GRM1: variants seen among roughly 807,000 people sequenced by gnomAD.
GRM1 encodes glutamate metabotropic receptor 1, also known as metabotropic glutamate receptor 1.
GRM1 carries 33 observed loss-of-function variants against 90.9 expected under a neutral mutation model. That is an observed-to-expected ratio of 0.36 (90% CI 0.28 to 0.49). The LOEUF is 0.49. Among genes scored for constraint, GRM1 ranks in the 20% least tolerant of loss-of-function variants. The probability of loss-of-function intolerance (pLI) is 0.99; values close to 1 mark genes in which losing one functional copy is unlikely to be tolerated. For synonymous variants in GRM1, 700 were observed against 613.2 expected (o/e 1.14, Z -2.09); for missense variants, 1,190 against 1,534.3 (o/e 0.78, Z 3.75).
intron 7 of GRM1, among the ~76,000 whole-genome samples, chr6:146,411,191 C>T (rs1284404044): frequency 6.6e-6 from 1 of 152,118 alleles, no homozygotes; most frequent in Middle Eastern, 3.2e-3. Context: ...TATTAGAAGT[C>T]TCCAACCAGT....
At chr6:146,352,797 C>T (rs1313625944) in intron 4 of GRM1, among the ~76,000 whole-genome samples, 1 of 152,144 alleles carries the variant, frequency 6.6e-6, no homozygotes, top group African/African-American at 2.4e-5. Context: ...AGCCCAGGAA[C>T]CTAAAGAAAT....
chr6:146,414,560 G>A (rs1032788173), intron 7 of GRM1, among the ~76,000 whole-genome samples: 5 of 151,866 alleles, frequency 3.3e-5, no homozygotes, highest in South Asian at 2.1e-4. Context: ...CCGCCACCAC[G>A]CCTGGCTAAT....
chr6:146,163,832 T>C lies in GRM1; in HGVS notation c.950+4235T>C, dbSNP rs566695982. ...TATTCTTTATTTCTTTGCATTCTTT[T>C]ATTTCATGCTTAGTTTTAAATATTT... is the stretch of plus-strand genomic sequence containing the variant. On this transcript the variant is annotated intron_variant, in intron 2 of 7. Coordinates refer to ENST00000282753, the MANE Select transcript of GRM1 (RefSeq NM_001278064.2). Among the ~76,000 whole-genome samples, 5 of 152,312 alleles carry C rather than the reference T, an allele frequency of 3.3e-5. No homozygotes were observed. The South Asian group carries it at 1.0e-3, about 32-fold the overall frequency.
At chr6:146,251,712 A>C (rs73575052) in intron 2 of GRM1, among the ~76,000 whole-genome samples, 1 of 151,986 alleles carries the variant, frequency 6.6e-6, no homozygotes, top group Non-Finnish European at 1.5e-5. Flanking sequence ...TCATAAATCA[A>C]CTCCAACCAT....
intron 1 of GRM1, among the ~76,000 whole-genome samples, chr6:146,118,348 C>A (rs934914264): frequency 2.0e-5 from 3 of 152,020 alleles, no homozygotes; most frequent in Non-Finnish European, 2.9e-5. Flanking sequence ...ACCGTGTTAG[C>A]CAGGATGGCC....
chr6:146,399,799 T>A lies in GRM1; in HGVS notation c.2660+100T>A. The A allele has an allele frequency of 1.2e-6, 1 of 816,942 alleles. No homozygotes were observed. Among genetic ancestry groups the A allele is most frequent in the Non-Finnish European group, 2.0e-6 (1 of 493,872 alleles). The allele number at this position is 816,942 out of a possible 1,614,324, so 50.6% of individuals were successfully genotyped here. A position where few individuals can be genotyped will look rare whatever the true frequency, so the allele number is the denominator to read the frequency against. On this transcript the variant is annotated intron_variant, in intron 7 of 7. Transcript: ENST00000282753. This position sits in a 1 kb window ranked among gnomAD's most constrained non-coding sequence, Gnocchi z 5.4. ...TTTCTCTGTCTCTCATATCTTCCTC[T>A]AGTTTTCTGAGTTGTCTCTTCCATT...
At chr6:146,263,434 G>A (rs961296146) in intron 2 of GRM1, among the ~76,000 whole-genome samples, 1 of 151,960 alleles carries the variant, frequency 6.6e-6, no homozygotes, top group African/African-American at 2.4e-5. Context: ...TCTAAATGGT[G>A]AGATATTAGG....
chr6:146,207,189 C>G (rs1290852064), intron 2 of GRM1, among the ~76,000 whole-genome samples: 1 of 152,092 alleles, frequency 6.6e-6, no homozygotes. Context: ...AATGGGGTTG[C>G]TGGGTCAAAT....
At chr6:146,054,586 CA>C (rs2128850424) in intron 1 of GRM1, among the ~76,000 whole-genome samples, 1 of 152,042 alleles carries the variant, frequency 6.6e-6, no homozygotes, top group East Asian at 1.9e-4. Flanking sequence ...TTCAGCCTAA[CA>C]TAGTTTATGT....
In GRM1 at chr6:146,281,267, A is replaced by T. The variant is rs558667477; in HGVS notation, c.951-23344A>T. ...GTAACAGGAAGTAAACTAACCAGAG[A>T]CTCAGGGACCAGGATTCCAACCACA... is the stretch of plus-strand genomic sequence containing the variant. On this transcript the variant is annotated intron_variant, in intron 2 of 7. Coordinates refer to ENST00000282753, the MANE Select transcript of GRM1 (RefSeq NM_001278064.2). Among the ~76,000 whole-genome samples the T allele has an allele frequency of 2.0e-5, 3 of 152,248 alleles. No homozygotes were observed. The South Asian group carries it at 6.2e-4, about 32-fold the overall frequency.
intron 1 of GRM1, among the ~76,000 whole-genome samples, chr6:146,094,270 G>A (rs1183049736): frequency 1.3e-5 from 2 of 152,068 alleles, no homozygotes; most frequent in African/African-American, 2.4e-5. Flanking sequence ...TGCTTGGAAT[G>A]GTAAATCTGT....
intron 3 of GRM1, among the ~76,000 whole-genome samples, chr6:146,344,577 A>G (rs1583357341): frequency 6.6e-6 from 1 of 152,164 alleles, no homozygotes; most frequent in African/African-American, 2.4e-5. Context: ...CTAAAGTTTC[A>G]CTAGCCATGA....
chr6:146,129,562 G>T (rs1007343228), intron 1 of GRM1, among the ~76,000 whole-genome samples: 7 of 152,214 alleles, frequency 4.6e-5, no homozygotes, highest in Non-Finnish European at 7.3e-5. Context: ...AACTTGGGAA[G>T]ATGACAAGGA....
intron 7 of GRM1, among the ~76,000 whole-genome samples, chr6:146,413,907 T>C (rs900707295): frequency 2.0e-5 from 3 of 152,228 alleles, no homozygotes; most frequent in Admixed American, 6.5e-5. Context: ...TCCCTTTAAT[T>C]GCTGAGTAAT....
chr6:146,186,367 T>C (rs1778732805), intron 2 of GRM1, among the ~76,000 whole-genome samples: 1 of 152,168 alleles, frequency 6.6e-6, no homozygotes, highest in South Asian at 2.1e-4. Context: ...ACATTTTTGC[T>C]GTTTGGGCTG....
chr6:146,283,309 C>T (rs563111500), intron 2 of GRM1, among the ~76,000 whole-genome samples: 2 of 152,290 alleles, frequency 1.3e-5, no homozygotes, highest in Admixed American at 6.5e-5. Flanking sequence ...CAGATACAAG[C>T]CCCCAACCCC....
intron 1 of GRM1, among the ~76,000 whole-genome samples, chr6:146,158,920 A>G (rs1362262232): frequency 6.6e-6 from 1 of 152,182 alleles, no homozygotes; most frequent in Non-Finnish European, 1.5e-5. Flanking sequence ...ACTTTATGTT[A>G]CCAAGAGTGT....
intron 1 of GRM1, among the ~76,000 whole-genome samples, chr6:146,093,294 CCT>C (rs927016931): frequency 6.6e-6 from 1 of 152,052 alleles, no homozygotes; most frequent in Non-Finnish European, 1.5e-5. Context: ...TGTCAGTTTC[CCT>C]CTTTCTTGTG....
At chr6:146,216,037 G>A (rs1017655979) in intron 2 of GRM1, among the ~76,000 whole-genome samples, 3 of 152,128 alleles carry the variant, frequency 2.0e-5, no homozygotes, top group Admixed American at 6.5e-5. Context: ...GATTACAGGC[G>A]TGAGCCACAG....
Sources: allele counts gnomAD v4.1 joint callset (sites outside exome capture counted in the v4.1 genomes callset), GRCh38; gene constraint gnomAD v4.1.1; non-coding constraint Gnocchi (gnomAD v3.1); transcripts MANE v1.5; gene names NCBI Gene and HGNC (gene_info 2026-07-23, HGNC 2026-07-21).